NUDCD1: variants seen among roughly 807,000 people sequenced by gnomAD.
NUDCD1 encodes nudC domain-containing protein 1.
In NUDCD1, 60 loss-of-function variants were observed where a neutral mutation model predicts 67.8. That is an observed-to-expected ratio of 0.88 (90% confidence interval 0.72 to 1.10). The LOEUF (loss-of-function observed/expected upper bound fraction) is 1.10. NUDCD1 is among the 50% of genes least tolerant of loss of function. The probability of loss-of-function intolerance (pLI) is 0.00; values close to 1 mark genes in which losing one functional copy is unlikely to be tolerated. For synonymous variants in NUDCD1, 244 were observed against 230.8 expected (o/e 1.06, Z -0.52); for missense variants, 643 against 695.0 (o/e 0.93, Z 0.84).
chr8:109,321,951 A>G (rs944555727), intron 2 of NUDCD1, among the ~76,000 whole-genome samples: 4 of 152,168 alleles, frequency 2.6e-5, no homozygotes, highest in African/African-American at 9.6e-5. Context: ...ACCAATTAAC[A>G]TAGTTAAAAA....
intron 6 of NUDCD1, among the ~76,000 whole-genome samples, chr8:109,276,038 C>T (rs766687640): frequency 5.9e-5 from 9 of 151,914 alleles, no homozygotes; most frequent in Non-Finnish European, 1.0e-4. Flanking sequence ...TGTTAAATAA[C>T]TGAAAAGTAG....
chr8:109,267,839 TG>T (rs1252704157), intron 8 of NUDCD1, among the ~76,000 whole-genome samples: 2 of 152,216 alleles, frequency 1.3e-5, no homozygotes, highest in Admixed American at 6.5e-5. Context: ...AGAAATCTAT[TG>T]TTCACACTCT....
At chr8:109,273,287 A>G (rs1431599501) in intron 7 of NUDCD1, among the ~76,000 whole-genome samples, 1 of 152,138 alleles carries the variant, frequency 6.6e-6, no homozygotes, top group African/African-American at 2.4e-5. Context: ...AGATAAATGA[A>G]AAGTTTTGCC....
In NUDCD1 at chr8:109,293,332, CTTTTG is replaced by C. The variant is rs1165175063; in HGVS notation, c.640+7_640+11del. 4 of 1,486,476 alleles carry C rather than the reference CTTTTG, an allele frequency of 2.7e-6. No homozygotes were observed. The African/African-American group carries it at 5.7e-5, about 21-fold the overall frequency. The allele number at this position is 1,486,476 out of a possible 1,614,324, so 92.1% of individuals were successfully genotyped here. A position where few individuals can be genotyped will look rare whatever the true frequency, so the allele number is the denominator to read the frequency against. ...GCCAACCAGTAGAGACAGATTCAGA[CTTTTG>C]TTTTACCTTGATTTTTCTTACTGAT... On this transcript the variant is annotated splice_region_variant and intron_variant, in intron 4 of 9. Transcript: ENST00000239690.
At chr8:109,254,171 AG>A (rs1813679311) in intron 8 of NUDCD1, among the ~76,000 whole-genome samples, 2 of 152,234 alleles carry the variant, frequency 1.3e-5, no homozygotes. Flanking sequence ...GCTTATGAGC[AG>A]TGGAAACAAA....
intron 6 of NUDCD1, among the ~76,000 whole-genome samples, chr8:109,278,371 C>A (rs1005466318): frequency 1.1e-4 from 17 of 152,242 alleles, no homozygotes; most frequent in African/African-American, 4.1e-4. Flanking sequence ...TTTTAAAAGA[C>A]ACTTAACTTT....
intron 1 of NUDCD1, among the ~76,000 whole-genome samples, chr8:109,326,648 T>A (rs1403476288): frequency 6.6e-6 from 1 of 152,194 alleles, no homozygotes; most frequent in Admixed American, 6.5e-5. Flanking sequence ...TAAGGATTAG[T>A]CTTCTAAAAA....
intron 2 of NUDCD1, among the ~76,000 whole-genome samples, chr8:109,317,367 C>A (rs576845607): frequency 1.7e-4 from 26 of 152,120 alleles, no homozygotes; most frequent in Admixed American, 6.6e-4. Flanking sequence ...ACATAATATC[C>A]GTCTCTATTA....
chr8:109,279,636 A>C (rs1814382089), intron 6 of NUDCD1, among the ~76,000 whole-genome samples: 1 of 151,548 alleles, frequency 6.6e-6, no homozygotes, highest in Non-Finnish European at 1.5e-5. Context: ...TAACTTATGT[A>C]TTTCTTTCTT....
chr8:109,253,159 C>T (rs1813658853), intron 8 of NUDCD1, among the ~76,000 whole-genome samples: 1 of 152,110 alleles, frequency 6.6e-6, no homozygotes, highest in African/African-American at 2.4e-5. Flanking sequence ...AGATGCTTCC[C>T]ATACTGAATG....
At chr8:109,273,637 A>G (rs1814210268) in intron 7 of NUDCD1, among the ~76,000 whole-genome samples, 1 of 152,154 alleles carries the variant, frequency 6.6e-6, no homozygotes, top group South Asian at 2.1e-4. Flanking sequence ...TATATCTGTT[A>G]AAAGAAATGA....
At chr8:109,261,721 CTATT>C (rs1813867124) in intron 8 of NUDCD1, among the ~76,000 whole-genome samples, 1 of 152,054 alleles carries the variant, frequency 6.6e-6, no homozygotes, top group African/African-American at 2.4e-5. Flanking sequence ...TACATTAATG[CTATT>C]TAAACAATAT....
chr8:109,260,323 T>C lies in NUDCD1; in HGVS notation c.1299+10682A>G, dbSNP rs565130149. On this transcript the variant is annotated intron_variant, in intron 8 of 9. Transcript: ENST00000239690. ...GATCTTCGGGCCTCAGGCCCCTGAGTAGCTAGGACTAGATGTGTGCACCAC... is the reference window on the plus strand; with the variant it reads ...GATCTTCGGGCCTCAGGCCCCTGAGCAGCTAGGACTAGATGTGTGCACCAC... Among the ~76,000 whole-genome samples, 6 of 152,230 alleles carry C rather than the reference T, an allele frequency of 3.9e-5. No individual in the cohort carries two copies. The East Asian group carries it at 1.2e-3, about 29-fold the overall frequency.
chr8:109,269,904 A>T (rs2129945254), intron 8 of NUDCD1, among the ~76,000 whole-genome samples: 1 of 150,004 alleles, frequency 6.7e-6, no homozygotes, highest in South Asian at 2.1e-4. Context: ...ACTAATGGTT[A>T]AGGATTCCCC....
At chr8:109,290,058 T>A in intron 4 of NUDCD1, 125 bp from the exon 5 acceptor site, 1 of 473,352 alleles carries the variant, frequency 2.1e-6, no homozygotes, top group Non-Finnish European at 3.6e-6. Flanking sequence ...AGGTACACTA[T>A]TAAGAGTCTT....
rs1001628950 is a variant in NUDCD1 at position 109,242,916 on chromosome 8, C to A, written c.*93G>T. On this transcript the variant is annotated 3_prime_UTR_variant, in exon 10 of 10. Transcript: ENST00000239690. ...AAAATCATACAAGATATATTTAGCA[C>A]ATTAAAACTTAAGAGGTTACAGTAT... is the stretch of plus-strand genomic sequence containing the variant. 3 of 679,024 alleles carry A rather than the reference C, an allele frequency of 4.4e-6. No homozygotes were observed. Among genetic ancestry groups the A allele is most frequent in the Non-Finnish European group, 7.4e-6 (3 of 405,118 alleles). 42.1% of individuals were successfully genotyped at this position (679,024 alleles called of 1,614,324 possible).
intron 3 of NUDCD1, among the ~76,000 whole-genome samples, 176 bp downstream of exon 3, chr8:109,296,206 AAC>A (rs1240124416): frequency 1.3e-5 from 2 of 152,244 alleles, no homozygotes; most frequent in Non-Finnish European, 2.9e-5. Flanking sequence ...TGGTTAATGT[AAC>A]AGTTTGTGAA....
chr8:109,285,850 A>T (rs1814562880), intron 5 of NUDCD1, among the ~76,000 whole-genome samples: 1 of 152,064 alleles, frequency 6.6e-6, no homozygotes, highest in Non-Finnish European at 1.5e-5. Flanking sequence ...GTATCCAATT[A>T]GGAAAAGTCA....
chr8:109,309,546 G>T (rs1815190462), intron 2 of NUDCD1, among the ~76,000 whole-genome samples: 1 of 152,072 alleles, frequency 6.6e-6, no homozygotes, highest in South Asian at 2.1e-4. Flanking sequence ...TCTGAAAACT[G>T]GAACAAGACA....
Sources: gnomAD v4.1 joint callset for allele counts (sites outside exome capture counted in the v4.1 genomes callset) on GRCh38, gnomAD v4.1.1 for gene constraint, MANE v1.5 for transcripts, NCBI Gene and HGNC (gene_info 2026-07-23, HGNC 2026-07-21) for gene names.